The following CSMD1 variants were observed in gnomAD, a reference collection of about 807,000 sequenced individuals.
CSMD1 encodes CUB and sushi domain-containing protein 1.
Under a neutral mutation model 417.5 loss-of-function variants are expected in CSMD1, and 213 were observed. That is an observed-to-expected ratio of 0.51 (90% CI 0.46 to 0.57). The LOEUF (loss-of-function observed/expected upper bound fraction) is 0.57. CSMD1 is among the 20% of genes least tolerant of loss of function. The pLI is 0.00. For missense variants in CSMD1, 6,923 were observed against 4,529.7 expected (o/e 1.53, Z -15.17); for synonymous variants, 2,862 against 1,736.8 (o/e 1.65, Z -16.11).
At chr8:4,299,361 G>T (rs6996305) in intron 3 of CSMD1, among the ~76,000 whole-genome samples, 130 of 152,152 alleles carry the variant, frequency 8.5e-4, no homozygotes, top group Non-Finnish European at 1.4e-3. Flanking sequence ...TTGACATATT[G>T]TAAGTGTCTG....
At chr8:3,063,438 G>C (rs1812722832) in intron 49 of CSMD1, among the ~76,000 whole-genome samples, 1 of 152,164 alleles carries the variant, frequency 6.6e-6, no homozygotes, top group Non-Finnish European at 1.5e-5. Context: ...ATGACCTATG[G>C]TGGTTCCTCA....
At chr8:4,683,561 T>A (rs1806177758) in intron 1 of CSMD1, among the ~76,000 whole-genome samples, 1 of 152,178 alleles carries the variant, frequency 6.6e-6, no homozygotes, top group Non-Finnish European at 1.5e-5. Context: ...AGGCACGTTC[T>A]ATTGTGAATC....
At chr8:3,154,834 G>T (rs1260127631) in intron 39 of CSMD1, among the ~76,000 whole-genome samples, 2 of 152,124 alleles carry the variant, frequency 1.3e-5, no homozygotes, top group African/African-American at 4.8e-5. Context: ...ATTAGGTCAT[G>T]GGATTTCCAG....
chr8:4,027,319 G>A (rs1000206554), intron 4 of CSMD1, among the ~76,000 whole-genome samples: 3 of 152,110 alleles, frequency 2.0e-5, no homozygotes, highest in East Asian at 1.9e-4. Context: ...GTAGGATGAT[G>A]GTATGCTTTG....
At chr8:3,354,243 C>A (rs1331909362) in intron 21 of CSMD1, among the ~76,000 whole-genome samples, 5 of 152,116 alleles carry the variant, frequency 3.3e-5, no homozygotes, top group African/African-American at 9.7e-5. Flanking sequence ...ACCTAAATAA[C>A]CTCGAGCCTA....
At chr8:4,228,272 C>A (rs1048128469) in intron 3 of CSMD1, among the ~76,000 whole-genome samples, 5 of 152,192 alleles carry the variant, frequency 3.3e-5, no homozygotes, top group African/African-American at 1.2e-4. Context: ...CAGTCACAGG[C>A]CCTGGTGCTG....
chr8:3,987,010 C>T (rs907539518), intron 5 of CSMD1, among the ~76,000 whole-genome samples: 1 of 152,184 alleles, frequency 6.6e-6, no homozygotes, highest in African/African-American at 2.4e-5. Context: ...CTGCCTCAGC[C>T]TCCCAAAGTG....
chr8:2,983,324 C>A (rs1338281404), intron 54 of CSMD1, among the ~76,000 whole-genome samples: 1 of 151,930 alleles, frequency 6.6e-6, no homozygotes, highest in Non-Finnish European at 1.5e-5. Flanking sequence ...GTAGCTGGTA[C>A]TACAGGCACC....
At chr8:4,593,300 C>T (rs149806901) in intron 2 of CSMD1, among the ~76,000 whole-genome samples, 45 of 152,286 alleles carry the variant, frequency 3.0e-4, no homozygotes, top group African/African-American at 9.1e-4. Flanking sequence ...CTCCTCTTTA[C>T]GCATACATAG....
intron 2 of CSMD1, among the ~76,000 whole-genome samples, chr8:4,484,832 G>T (rs758158793): frequency 2.6e-5 from 4 of 151,732 alleles, no homozygotes; most frequent in Non-Finnish European, 5.9e-5. Flanking sequence ...AATTAGCCGG[G>T]CATGGTGGCA....
chr8:3,340,538 T>C (rs1400554115), intron 23 of CSMD1, among the ~76,000 whole-genome samples: 1 of 152,230 alleles, frequency 6.6e-6, no homozygotes, highest in Non-Finnish European at 1.5e-5. Flanking sequence ...AAAAGTCTTT[T>C]GAAAATAGCT....
At position 3,359,247 on chromosome 8, in the gene CSMD1, G is replaced by T. The variant is rs368592556; in HGVS notation, c.3209C>A (p.Ser1070Tyr). Residue 1070 changes from serine (S) to tyrosine (Y), a missense_variant, in exon 21 of 70, where the codon TCC becomes TAC. By Grantham distance (144) the Ser-to-Tyr change is moderately radical. Transcript: ENST00000635120. ...HFGVGDSLTF[S>Y]CFLGYRLEGA... ...TTCTAAACGATATCCCAGGAAGCAGGAAAACGTCAGAGAGTCTCCCACACC... is the reference window on the plus strand; with the variant it reads ...TTCTAAACGATATCCCAGGAAGCAGTAAAACGTCAGAGAGTCTCCCACACC... 3.1e-6 allele frequency: 5 copies of T among 1,613,746 alleles called. No individual in the cohort carries two copies. The highest frequency in any genetic ancestry group is 3.4e-6 in the Non-Finnish European group (4 of 1,179,856).
At chr8:3,362,044 T>C (rs1042015092) in intron 20 of CSMD1, among the ~76,000 whole-genome samples, 3 of 152,152 alleles carry the variant, frequency 2.0e-5, no homozygotes, top group Admixed American at 2.0e-4. Context: ...AACGCAAAGA[T>C]TTTGTTCTTG....
intron 26 of CSMD1, among the ~76,000 whole-genome samples, chr8:3,267,315 T>C (rs1801506611): frequency 6.6e-6 from 1 of 152,176 alleles, no homozygotes; most frequent in Non-Finnish European, 1.5e-5. Context: ...TCCCACTGGG[T>C]CATATCCCAC....
chr8:3,896,333 C>G (rs1414833339), intron 5 of CSMD1, among the ~76,000 whole-genome samples: 5 of 152,116 alleles, frequency 3.3e-5, no homozygotes, highest in Admixed American at 6.5e-5. Context: ...TTTCCATATA[C>G]TCACTTTGCT....
chr8:4,040,058 G>A (rs1012186764), intron 3 of CSMD1, among the ~76,000 whole-genome samples: 1 of 152,126 alleles, frequency 6.6e-6, no homozygotes, highest in African/African-American at 2.4e-5. Context: ...CCATGCAAAT[G>A]TTAGGGAAAT....
chr8:4,497,696 T>C (rs1256172886), intron 2 of CSMD1, among the ~76,000 whole-genome samples: 2 of 152,096 alleles, frequency 1.3e-5, no homozygotes, highest in Admixed American at 6.5e-5. Flanking sequence ...AGGCAGAGCA[T>C]AAATAGTGTG....
At chr8:3,285,933 TTAAC>T (rs1240803134) in intron 25 of CSMD1, among the ~76,000 whole-genome samples, 4 of 152,090 alleles carry the variant, frequency 2.6e-5, no homozygotes, top group Non-Finnish European at 5.9e-5. Context: ...GCTGCACCCA[TTAAC>T]TCACCATTTA....
intron 40 of CSMD1, among the ~76,000 whole-genome samples, chr8:3,146,886 T>G (rs1303566436): frequency 6.6e-6 from 1 of 152,204 alleles, no homozygotes; most frequent in Non-Finnish European, 1.5e-5. Flanking sequence ...AACTGGCAAC[T>G]GCTTAACTCC....
Sources: allele counts gnomAD v4.1 joint callset (sites outside exome capture counted in the v4.1 genomes callset), GRCh38; gene constraint gnomAD v4.1.1; transcripts MANE v1.5; gene names NCBI Gene and HGNC (gene_info 2026-07-23, HGNC 2026-07-21).